The following EXD2 variants were observed in gnomAD, a reference collection of about 807,000 sequenced individuals.
The protein encoded by EXD2 is exonuclease 3'-5' domain containing 2.
A neutral mutation model predicts 62.5 loss-of-function variants in EXD2; 40 were observed. That is an observed-to-expected ratio of 0.64 (90% CI 0.50 to 0.83). The LOEUF is 0.83. Ranked by LOEUF, EXD2 falls within the 40% of genes least tolerant of loss-of-function variation. The pLI, the probability that EXD2 is intolerant of heterozygous loss-of-function variation, is 0.00. For missense variants in EXD2, 671 were observed against 761.8 expected (o/e 0.88, Z 1.40); for synonymous variants, 239 against 291.9 (o/e 0.82, Z 1.85).
At chr14:69,209,910 T>G in intron 3 of EXD2, 107 bp downstream of exon 3, 1 of 922,472 alleles carries the variant, frequency 1.1e-6, no homozygotes, top group Non-Finnish European at 1.5e-6. Context: ...GAGAATGAAT[T>G]AGCTTGTTCT....
Position 69,237,926 on chromosome 14 carries a change from G to A in EXD2, c.1644G>A (p.Glu548=), listed in dbSNP as rs779969667. 2 of 1,555,072 alleles carry A rather than the reference G, an allele frequency of 1.3e-6. No individual in the cohort carries two copies. The highest frequency in any genetic ancestry group is 1.3e-5 in the South Asian group (1 of 79,750). The change falls in exon 9 of 10, where the codon GAG becomes GAA. Residue 548 remains glutamate (E), a synonymous_variant. Coordinates refer to ENST00000685843, the MANE Select transcript of EXD2 (RefSeq NM_001193360.2). ...TGCTTCAAGAGGCTGCCAGCCTGGAGACCAGGTACAAAGCACAGGAATTGT... is the reference window on the plus strand; with the variant it reads ...TGCTTCAAGAGGCTGCCAGCCTGGAAACCAGGTACAAAGCACAGGAATTGT... ...EEMLQEAASL[E]TRISNENYVP... is the part of the protein sequence containing the mutation.
At chr14:69,220,746 G>A (rs965287957) in intron 3 of EXD2, among the ~76,000 whole-genome samples, 1 of 151,810 alleles carries the variant, frequency 6.6e-6, no homozygotes, top group African/African-American at 2.4e-5. Flanking sequence ...GTGGGTGCCT[G>A]TAATCCCAGC....
At chr14:69,225,867 G>C (rs2043342216) in intron 3 of EXD2, among the ~76,000 whole-genome samples, 1 of 152,102 alleles carries the variant, frequency 6.6e-6, no homozygotes, top group Non-Finnish European at 1.5e-5. Context: ...GTACCTAGTG[G>C]AATCATAAAC....
chr14:69,209,412 T>A lies in EXD2; in HGVS notation c.-47-12T>A. ...TCTGTATATAAATATATTTTTGCCA[T>A]TTGTTTTGCAGATTGTGGGATTAGT... On this transcript the variant is annotated splice_polypyrimidine_tract_variant and intron_variant, in intron 2 of 9. Transcript: ENST00000685843. The A allele has an allele frequency of 7.3e-7, 1 of 1,372,778 alleles. No homozygotes were observed. Among genetic ancestry groups the A allele is most frequent in the Non-Finnish European group, 9.7e-7 (1 of 1,033,514 alleles). The allele number at this position is 1,372,778 out of a possible 1,614,324, so 85.0% of individuals were successfully genotyped here.
In EXD2 at chr14:69,243,209, C is replaced by G. The variant is rs571965644; in HGVS notation, c.*2109C>G. 1.1e-4 allele frequency: 16 copies of G among 152,190 alleles called. No individual in the cohort carries two copies. The highest frequency in any genetic ancestry group is 3.6e-4 in the African/African-American group (15 of 41,510). The allele number at this position is 152,190 out of a possible 1,614,324, so 9.4% of individuals were successfully genotyped here. A position where few individuals can be genotyped will look rare whatever the true frequency, so the allele number is the denominator to read the frequency against. ...GGCTTTTCCTAAGACTGACAATTGT[C>G]GTCTTAAATCAGAGATTTGAGGGTA... On this transcript the variant is annotated 3_prime_UTR_variant, in exon 10 of 10. Transcript: ENST00000685843.
Position 69,236,097 on chromosome 14 carries a change from C to G in EXD2, c.1101C>G (p.Pro367=), listed in dbSNP as rs1345366657. 6.2e-7 allele frequency: 1 copy of G among 1,614,146 alleles called. No individual in the cohort carries two copies. The stretch of plus-strand genomic sequence containing the variant: ...TTCTCCATGCTCCTGATGGACAGCC[C>G]CTCTGCACTTGTGATAGAAGAAAAG... The part of the protein sequence containing the change: ...NCFLHAPDGQ[P]LCTCDRRKAQ... Residue 367 remains proline (P), a synonymous_variant, in exon 7 of 10, where the codon CCC becomes CCG. Coordinates refer to ENST00000685843, the MANE Select transcript of EXD2 (RefSeq NM_001193360.2).
At chr14:69,221,438 A>G (rs1375393705) in intron 3 of EXD2, among the ~76,000 whole-genome samples, 3 of 152,290 alleles carry the variant, frequency 2.0e-5, no homozygotes, top group Non-Finnish European at 1.5e-5. Context: ...TATTTCATTT[A>G]TCATCTAAAT....
chr14:69,199,598 A>AT (rs1566815074), intron 1 of EXD2, among the ~76,000 whole-genome samples: 165 of 146,016 alleles, frequency 1.1e-3, no homozygotes, highest in African/African-American at 3.9e-3. Flanking sequence ...TTCAACTTAA[A>AT]ATTTTTTTTT....
intron 3 of EXD2, among the ~76,000 whole-genome samples, chr14:69,226,857 A>G (rs529887807): frequency 6.6e-6 from 1 of 151,214 alleles, no homozygotes; most frequent in East Asian, 2.0e-4. Flanking sequence ...CAATTATGCA[A>G]TGTACCTCCT....
At chr14:69,240,731 A>G (rs993851049) in intron 9 of EXD2, among the ~76,000 whole-genome samples, 153 bp from the exon 10 acceptor site, 12 of 152,184 alleles carry the variant, frequency 7.9e-5, no homozygotes, top group Non-Finnish European at 1.2e-4. Context: ...GGGCAGAGAT[A>G]AGAAAGAGGA....
At chr14:69,225,766 T>G (rs1049559204) in intron 3 of EXD2, among the ~76,000 whole-genome samples, 1 of 152,160 alleles carries the variant, frequency 6.6e-6, no homozygotes, top group Non-Finnish European at 1.5e-5. Context: ...GGGGGAAATA[T>G]GAGAAATAGA....
chr14:69,240,467 G>T (rs1435529969), intron 9 of EXD2, among the ~76,000 whole-genome samples: 1 of 152,190 alleles, frequency 6.6e-6, no homozygotes, highest in Non-Finnish European at 1.5e-5. Context: ...GTGAAAAAGT[G>T]TAACATGCGG....
At chr14:69,219,456 G>A (rs1441452514) in intron 3 of EXD2, among the ~76,000 whole-genome samples, 1 of 152,124 alleles carries the variant, frequency 6.6e-6, no homozygotes, top group South Asian at 2.1e-4. Context: ...AGTAAACATG[G>A]GTGTGCAGCT....
chr14:69,209,923 A>G, intron 3 of EXD2, 120 bp downstream of exon 3: 1 of 828,234 alleles, frequency 1.2e-6, no homozygotes, highest in Non-Finnish European at 1.8e-6. Context: ...CTTGTTCTCA[A>G]CTTGCTTATA....
chr14:69,229,713 T>G (rs1241682079), intron 4 of EXD2, among the ~76,000 whole-genome samples: 4 of 152,190 alleles, frequency 2.6e-5, no homozygotes, highest in African/African-American at 4.8e-5. Context: ...CTTGTCTTTT[T>G]GGGGCGGGGA....
rs147040929 is a variant in EXD2, at chr14:69,236,363, G to T, written c.1157-44G>T. ...AGTGCTGCTTCTTGGGTGTGGTGGTGGGGGCAGGGGGAGCAGTCAAACACT... is the reference window on the plus strand; with the variant it reads ...AGTGCTGCTTCTTGGGTGTGGTGGTTGGGGCAGGGGGAGCAGTCAAACACT... On this transcript the variant is annotated intron_variant, in intron 7 of 9. Transcript: ENST00000685843. The T allele has an allele frequency of 5.2e-4, 835 of 1,613,464 alleles. 5 individuals carry two copies. The highest frequency in any genetic ancestry group is 1.4e-4 in the South Asian group (13 of 91,012).
At chr14:69,229,726 C>G (rs954474669) in intron 4 of EXD2, among the ~76,000 whole-genome samples, 1 of 152,034 alleles carries the variant, frequency 6.6e-6, no homozygotes. Context: ...GGCGGGGAGT[C>G]GTAATTACCT....
intron 3 of EXD2, among the ~76,000 whole-genome samples, chr14:69,222,284 G>A (rs2043212006): frequency 6.6e-6 from 1 of 151,598 alleles, no homozygotes; most frequent in South Asian, 2.1e-4. Context: ...TTGCTTTGTT[G>A]ATCTTCTTTA....
intron 7 of EXD2, 61 bp downstream of exon 7, chr14:69,236,213 G>A: frequency 6.5e-7 from 1 of 1,532,196 alleles, no homozygotes; most frequent in Admixed American, 1.7e-5. Context: ...TGGCAGGAGT[G>A]GGGAGTGAGA....
Sources: gnomAD v4.1 joint callset for allele counts (sites outside exome capture counted in the v4.1 genomes callset) on GRCh38, gnomAD v4.1.1 for gene constraint, MANE v1.5 for transcripts, NCBI Gene and HGNC (gene_info 2026-07-23, HGNC 2026-07-21) for gene names.